The following NRG1 variants were observed in gnomAD, a reference collection of about 807,000 sequenced individuals.
NRG1 encodes pro-neuregulin-1, membrane-bound isoform.
Under a neutral mutation model 63.8 loss-of-function variants are expected in NRG1, and 18 were observed. The observed-to-expected ratio is 0.28, with a 90% CI of 0.19 to 0.42. NRG1 has a LOEUF of 0.42. NRG1 is among the 10% of genes least tolerant of loss of function. NRG1 has a pLI of 1.00. For synonymous variants in NRG1, 302 were observed against 301.3 expected (o/e 1.00, Z -0.02); for missense variants, 762 against 814.7 (o/e 0.94, Z 0.79).
At chr8:32,025,854 G>A (rs1411447328) in intron 1 of NRG1, among the ~76,000 whole-genome samples, 1 of 150,504 alleles carries the variant, frequency 6.6e-6, no homozygotes, top group Non-Finnish European at 1.5e-5. Context: ...GCTGAGGCAG[G>A]AGAATGGCGT....
intron 1 of NRG1, among the ~76,000 whole-genome samples, chr8:31,740,021 A>G (rs1815100862): frequency 6.6e-6 from 1 of 152,084 alleles, no homozygotes; most frequent in South Asian, 2.1e-4. Flanking sequence ...CTCATAAAAA[A>G]TTTAGTTAGC....
Position 32,541,834 on chromosome 8 carries a change from T to G in NRG1, c.38-53994T>G, listed in dbSNP as rs539290867. On this transcript the variant is annotated intron_variant, in intron 1 of 10. Coordinates refer to the NRG1 transcript ENST00000519301. ...TGTATGAATATGGATGATGGGAATA[T>G]AGTAAAATATTAGAGAGATTAAATC... 6.3e-4 allele frequency among the ~76,000 whole-genome samples: 96 copies of G among 152,296 alleles called. 1 individual carries two copies. The highest frequency in any genetic ancestry group is 1.4e-3 in the East Asian group (7 of 5,178).
At chr8:32,344,422 T>C (rs62497627) in intron 1 of NRG1, among the ~76,000 whole-genome samples, 2 of 14,348 alleles carry the variant, frequency 1.4e-4, no homozygotes, top group Non-Finnish European at 3.4e-4. Flanking sequence ...TGCATGCATG[T>C]GTGTGTGTGT....
intron 1 of NRG1, among the ~76,000 whole-genome samples, chr8:32,160,943 C>A (rs551334401): frequency 5.3e-5 from 8 of 152,246 alleles, no homozygotes; most frequent in Admixed American, 1.3e-4. Context: ...GACTTGAATA[C>A]CTACACTCTA....
chr8:32,267,095 A>AAAGGAAGG (rs144798860), intron 1 of NRG1, among the ~76,000 whole-genome samples: 1 of 147,138 alleles, frequency 6.8e-6, no homozygotes, highest in African/African-American at 2.5e-5. Context: ...AAAGAGAGAG[A>AAAGGAAGG]AAGGAAGGAA....
intron 1 of NRG1, among the ~76,000 whole-genome samples, chr8:31,856,988 G>A (rs564036626): frequency 6.0e-4 from 92 of 152,274 alleles, no homozygotes; most frequent in African/African-American, 2.0e-3. Context: ...CTCCAGCTGC[G>A]TGCTGGGAGA....
chr8:32,264,336 G>A (rs1282188576), intron 1 of NRG1, among the ~76,000 whole-genome samples: 2 of 151,508 alleles, frequency 1.3e-5, no homozygotes, highest in African/African-American at 4.9e-5. Flanking sequence ...ATTCATTTGA[G>A]GGAAAAAAAT....
intron 1 of NRG1, among the ~76,000 whole-genome samples, chr8:32,091,319 T>C (rs905262252): frequency 2.0e-5 from 3 of 151,694 alleles, no homozygotes; most frequent in African/African-American, 7.3e-5. Flanking sequence ...GTGATTTATG[T>C]AATTCCTACA....
chr8:32,633,848 G>A (rs187401005), intron 5 of NRG1, among the ~76,000 whole-genome samples: 138 of 152,076 alleles, frequency 9.1e-4, no homozygotes, highest in African/African-American at 3.2e-3. Flanking sequence ...GCTTAAGGCC[G>A]GGAGCAGTAG....
chr8:31,992,960 A>G (rs1282237044), intron 1 of NRG1, among the ~76,000 whole-genome samples: 2 of 152,054 alleles, frequency 1.3e-5, no homozygotes, highest in African/African-American at 2.4e-5. Context: ...AATAGATTCA[A>G]TTACCCAAAC....
chr8:32,309,120 G>A (rs541556782), intron 1 of NRG1, among the ~76,000 whole-genome samples: 12 of 152,300 alleles, frequency 7.9e-5, no homozygotes, highest in African/African-American at 2.9e-4. Flanking sequence ...TGGAGACAGT[G>A]TAGTTTCAGA....
intron 1 of NRG1, among the ~76,000 whole-genome samples, chr8:32,237,176 C>T (rs1049188082): frequency 6.6e-6 from 1 of 152,162 alleles, no homozygotes; most frequent in African/African-American, 2.4e-5. Flanking sequence ...CTCTACTGCA[C>T]TTAATCATTC....
chr8:32,463,918 G>GTTTTTTTTT (rs200324300), intron 1 of NRG1, among the ~76,000 whole-genome samples: 7 of 68,674 alleles, frequency 1.0e-4, no homozygotes, highest in Non-Finnish European at 2.1e-4. Flanking sequence ...TTTTTTGGGG[G>GTTTTTTTTT]AGGGTCTCAT....
At chr8:32,595,993 A>G (rs1168732910) in exon 2 of NRG1, 6 of 1,611,594 alleles carry the variant, frequency 3.7e-6, no homozygotes, top group Non-Finnish European at 5.1e-6. Context: ...ATCAAGATAC[A>G]AAAAAAGCCA....
chr8:32,092,919 C>T (rs1322080364), intron 1 of NRG1, among the ~76,000 whole-genome samples: 1 of 152,072 alleles, frequency 6.6e-6, no homozygotes, highest in Non-Finnish European at 1.5e-5. Context: ...TGCATGTCAC[C>T]CTGACAATGA....
Position 32,480,645 on chromosome 8 carries a change from A to G in NRG1, c.38-115183A>G, listed in dbSNP as rs114324732. 4.3e-3 allele frequency among the ~76,000 whole-genome samples: 661 copies of G among 152,290 alleles called. 3 individuals carry two copies. The highest frequency in any genetic ancestry group is 0.014 in the Middle Eastern group (4 of 294). On this transcript the variant is annotated intron_variant, in intron 1 of 10. Transcript: ENST00000519301. ...AAAGAAAAGTGGCTTATTTTGGCTC[A>G]TGGTTCTGTAGACTATAAAGGTAGC...
intron 1 of NRG1, among the ~76,000 whole-genome samples, chr8:32,293,875 T>C (rs1296154660): frequency 1.3e-5 from 2 of 152,004 alleles, no homozygotes; most frequent in Non-Finnish European, 2.9e-5. Context: ...ACTGCTATCA[T>C]GCCCAGCTAA....
At chr8:32,616,486 T>C (rs963314775) in intron 4 of NRG1, among the ~76,000 whole-genome samples, 2 of 152,262 alleles carry the variant, frequency 1.3e-5, no homozygotes, top group African/African-American at 4.8e-5. Context: ...TCATGTTTTC[T>C]CAAAATCAAG....
chr8:31,895,168 T>G (rs1277939650), intron 1 of NRG1, among the ~76,000 whole-genome samples: 1 of 152,248 alleles, frequency 6.6e-6, no homozygotes, highest in Non-Finnish European at 1.5e-5. Flanking sequence ...CTGTTAATAC[T>G]AAGGAGCCTG....
Sources: gnomAD v4.1 joint callset for allele counts (sites outside exome capture counted in the v4.1 genomes callset) on GRCh38, gnomAD v4.1.1 for gene constraint, MANE v1.5 for transcripts, NCBI Gene and HGNC (gene_info 2026-07-23, HGNC 2026-07-21) for gene names.